Variants in LATS2 observed in about 807,000 individuals in gnomAD.
LATS2 encodes the protein serine/threonine-protein kinase LATS2.
Under a neutral mutation model 76.0 loss-of-function variants are expected in LATS2, and 24 were observed. The ratio of observed to expected loss-of-function variants is 0.32; its 90% CI spans 0.23 to 0.44. LATS2 has a LOEUF of 0.44. LATS2 is among the 20% of genes least tolerant of loss of function. LATS2 has a pLI of 1.00. For synonymous variants in LATS2, 692 were observed against 635.4 expected (o/e 1.09, Z -1.34); for missense variants, 1,286 against 1,481.2 (o/e 0.87, Z 2.16).
At chr13:21,050,162 A>ACATACATACATACATG (rs1176752569) in intron 1 of LATS2, among the ~76,000 whole-genome samples, 3 of 150,232 alleles carry the variant, frequency 2.0e-5, no homozygotes, top group Non-Finnish European at 3.0e-5. Context: ...ATACATACAT[A>ACATACATACATACATG]CATACATACA....
At chr13:21,037,969 G>T (rs1164976787) in intron 2 of LATS2, among the ~76,000 whole-genome samples, 4 of 152,188 alleles carry the variant, frequency 2.6e-5, no homozygotes, top group Non-Finnish European at 5.9e-5. Context: ...TCAGAATGAG[G>T]GGGGCTAGAC....
At chr13:20,995,287 CTTACAAT>C (rs1870703916) in intron 2 of LATS2, among the ~76,000 whole-genome samples, 1 of 152,144 alleles carries the variant, frequency 6.6e-6, no homozygotes, top group African/African-American at 2.4e-5. Context: ...GTGTATTCTT[CTTACAAT>C]AATTATACAA....
intron 2 of LATS2, among the ~76,000 whole-genome samples, chr13:21,012,505 GC>G (rs914260837): frequency 7.9e-5 from 12 of 152,194 alleles, no homozygotes; most frequent in African/African-American, 2.7e-4. Flanking sequence ...GCCCGTGGTT[GC>G]CCGAAACATC....
intron 1 of LATS2, among the ~76,000 whole-genome samples, chr13:21,060,362 G>A (rs1026712389): frequency 4.6e-5 from 7 of 152,244 alleles, no homozygotes; most frequent in African/African-American, 1.7e-4. Context: ...CATCAGAAGA[G>A]AAAGCCAAAC....
At chr13:20,998,920 G>A (rs989828358) in intron 2 of LATS2, among the ~76,000 whole-genome samples, 1 of 150,290 alleles carries the variant, frequency 6.7e-6, no homozygotes, top group Admixed American at 6.6e-5. Flanking sequence ...ACGCAGGGTA[G>A]GAGTCCCGGT....
rs917755915 is a variant in LATS2 at position 21,050,700 on chromosome 13, G to A, written c.-204-4470C>T. On this transcript the variant is annotated intron_variant, in intron 1 of 7. Coordinates refer to ENST00000382592, the MANE Select transcript of LATS2 (RefSeq NM_014572.3). ...TTGCCATGGCTCCAGGCCCAGAGCT[G>A]TGAGGAGCTGCAGCGTGGGTGCTCG... is the stretch of plus-strand genomic sequence containing the variant. Among the ~76,000 whole-genome samples the A allele has an allele frequency of 4.6e-5, 7 of 152,384 alleles. No individual in the cohort carries two copies. The South Asian group carries it at 6.2e-4, about 14-fold the overall frequency.
intron 2 of LATS2, chr13:21,005,794 A>AC (rs1243684065): frequency 1.8e-5 from 2 of 113,678 alleles, no homozygotes; most frequent in African/African-American, 3.4e-5. Context: ...ACAGAGTGAG[A>AC]CCCCTACTCT....
intron 1 of LATS2, among the ~76,000 whole-genome samples, chr13:21,055,412 A>G (rs925600382): frequency 2.0e-5 from 3 of 152,246 alleles, no homozygotes; most frequent in Non-Finnish European, 4.4e-5. Context: ...CAAACACTGG[A>G]ATTTTAAAAC....
rs530454937 is a variant in LATS2 at position 20,994,798 on chromosome 13, G to A, written c.343-3394C>T. Among the ~76,000 whole-genome samples the A allele has an allele frequency of 6.0e-4, 90 of 150,938 alleles. 2 individuals are homozygous for A. In the South Asian group the frequency reaches 0.018, roughly 29 times the overall value. ...AGCTACTGAAGAGGTTGAGGCAGGA[G>A]GATTGCTTGAGTCCAGGAAGTAGGG... On this transcript the variant is annotated intron_variant, in intron 2 of 7. Coordinates refer to ENST00000382592, the MANE Select transcript of LATS2 (RefSeq NM_014572.3).
intron 1 of LATS2, among the ~76,000 whole-genome samples, chr13:21,057,545 G>A (rs187109753): frequency 5.3e-5 from 8 of 152,258 alleles, no homozygotes; most frequent in Admixed American, 2.0e-4. Context: ...GGCCGGGCGC[G>A]GTGGCTCATG....
chr13:21,013,503 T>C (rs1005499396), intron 2 of LATS2, among the ~76,000 whole-genome samples: 14 of 152,294 alleles, frequency 9.2e-5, no homozygotes, highest in African/African-American at 3.1e-4. Context: ...TAGGGTTACT[T>C]GGAAGGCTGC....
At position 20,987,987 on chromosome 13, in the gene LATS2, G is replaced by A; in HGVS notation, c.1793C>T (p.Ser598Leu). 3.7e-6 allele frequency: 6 copies of A among 1,614,266 alleles called. No homozygotes were observed. Among genetic ancestry groups the A allele is most frequent in the Non-Finnish European group, 5.1e-6 (6 of 1,180,040 alleles). ...CATGAAGAACTTAAAGGCGTATGGC[G>A]AGTAGCTCTTGATGCGTGACTCTCT... ...EKRESRIKSYSPYAFKFFMEQ... is the reference protein window; with the variant it reads ...EKRESRIKSYLPYAFKFFMEQ... Residue 598 changes from serine to leucine, a missense_variant, in exon 4 of 8, where the codon TCG (serine) becomes TTG (leucine). Coordinates refer to ENST00000382592, the MANE Select transcript of LATS2 (RefSeq NM_014572.3).
At chr13:20,992,763 G>A (rs115317083) in intron 2 of LATS2, among the ~76,000 whole-genome samples, 5,969 of 152,160 alleles carry the variant, frequency 0.039, 137 homozygotes, top group East Asian at 0.059. Flanking sequence ...ATGGCTGGGC[G>A]TGGTGGCTCA....
intron 1 of LATS2, among the ~76,000 whole-genome samples, chr13:21,055,390 A>G (rs1196089259): frequency 6.6e-6 from 1 of 152,254 alleles, no homozygotes; most frequent in African/African-American, 2.4e-5. Flanking sequence ...ACACATTTTA[A>G]GTAACAAACT....
At chr13:20,989,348 T>C in intron 3 of LATS2, 44 bp from the exon 4 acceptor site, 1 of 1,604,736 alleles carries the variant, frequency 6.2e-7, no homozygotes, top group Non-Finnish European at 8.5e-7. Context: ...GTGGGTGTGA[T>C]CAGTGGGTTC....
At chr13:21,014,840 C>T (rs1871738666) in intron 2 of LATS2, among the ~76,000 whole-genome samples, 1 of 152,236 alleles carries the variant, frequency 6.6e-6, no homozygotes, top group Non-Finnish European at 1.5e-5. Flanking sequence ...CTCACAAATA[C>T]CATGCAACCT....
chr13:21,016,387 A>G (rs1871801721), intron 2 of LATS2, among the ~76,000 whole-genome samples: 1 of 151,858 alleles, frequency 6.6e-6, no homozygotes, highest in Admixed American at 6.6e-5. Flanking sequence ...AGGTTCAAGC[A>G]ATTCTCCTGC....
intron 2 of LATS2, among the ~76,000 whole-genome samples, chr13:21,029,611 T>C (rs1203457298): frequency 6.6e-6 from 1 of 151,558 alleles, no homozygotes; most frequent in Non-Finnish European, 1.5e-5. Flanking sequence ...GCCAATATGG[T>C]GAAACCCCAT....
At chr13:21,028,198 C>T (rs1483192973) in intron 2 of LATS2, among the ~76,000 whole-genome samples, 4 of 152,120 alleles carry the variant, frequency 2.6e-5, no homozygotes, top group African/African-American at 7.2e-5. Flanking sequence ...TTTGTCCTTG[C>T]GATAGTTTCC....
Sources: allele counts gnomAD v4.1 joint callset (sites outside exome capture counted in the v4.1 genomes callset), GRCh38; gene constraint gnomAD v4.1.1; transcripts MANE v1.5; gene names NCBI Gene and HGNC (gene_info 2026-07-23, HGNC 2026-07-21).